The following STARD6 variants were observed in gnomAD, a reference collection of about 807,000 sequenced individuals.
STARD6 encodes the protein stAR-related lipid transfer protein 6.
A neutral mutation model predicts 22.3 loss-of-function variants in STARD6; 21 were observed. That is an observed-to-expected ratio of 0.94 (90% confidence interval 0.67 to 1.35). The LOEUF (loss-of-function observed/expected upper bound fraction) is 1.35, where lower values mean the gene tolerates loss of function less well. Among genes scored for constraint, STARD6 ranks in the 40% most tolerant of loss-of-function variants. The pLI is 0.00. For synonymous variants in STARD6, 80 were observed against 88.1 expected (o/e 0.91, Z 0.52); for missense variants, 269 against 266.9 (o/e 1.01, Z -0.05).
intron 4 of STARD6, among the ~76,000 whole-genome samples, chr18:54,340,457 C>A (rs2088959810): frequency 6.6e-6 from 1 of 152,000 alleles, no homozygotes; most frequent in Admixed American, 6.6e-5. Flanking sequence ...CTTGACAAAA[C>A]CTACTTAATA....
At chr18:54,344,636 T>A (rs1382722427) in intron 4 of STARD6, among the ~76,000 whole-genome samples, 4 of 146,240 alleles carry the variant, frequency 2.7e-5, no homozygotes, top group African/African-American at 1.0e-4. Flanking sequence ...CTCTTATGTA[T>A]ATGCAAAAAC....
chr18:54,329,512 TA>T, intron 6 of STARD6, 72 bp from the exon 7 acceptor site: 1 of 1,182,056 alleles, frequency 8.5e-7, no homozygotes, highest in South Asian at 1.4e-5. Context: ...AGCATATTTT[TA>T]GAAACATATA....
At chr18:54,333,343 G>T (rs1432700264) in intron 5 of STARD6, among the ~76,000 whole-genome samples, 1 of 152,118 alleles carries the variant, frequency 6.6e-6, no homozygotes, top group Non-Finnish European at 1.5e-5. Flanking sequence ...CAGCTACTTG[G>T]GAGGCTGAGG....
chr18:54,340,673 G>T (rs964249416), intron 4 of STARD6, among the ~76,000 whole-genome samples: 2 of 152,140 alleles, frequency 1.3e-5, no homozygotes, highest in Admixed American at 6.5e-5. Flanking sequence ...CAATCAGAAG[G>T]TAGAGATTGT....
intron 4 of STARD6, among the ~76,000 whole-genome samples, chr18:54,350,501 T>A (rs1342504200): frequency 6.6e-6 from 1 of 152,188 alleles, no homozygotes; most frequent in Non-Finnish European, 1.5e-5. Flanking sequence ...GTCCCAACTA[T>A]TTATTTTTGG....
intron 1 of STARD6, among the ~76,000 whole-genome samples, chr18:54,356,738 A>G (rs2089148034): frequency 6.6e-6 from 1 of 152,242 alleles, no homozygotes; most frequent in Non-Finnish European, 1.5e-5. Context: ...GTCACTAACA[A>G]TTAACAAGGA....
Position 54,354,594 on chromosome 18 carries a change from C to T in STARD6, c.-4-17G>A, listed in dbSNP as rs777198718. ...TCCATCTATCTGCAAGTTTTAAAAA[C>T]AAACAACTGGTAAGAATATAACCAT... On this transcript the variant is annotated splice_polypyrimidine_tract_variant and intron_variant, in intron 2 of 7. Coordinates refer to ENST00000307844, the MANE Select transcript of STARD6 (RefSeq NM_139171.2). 5 of 1,569,740 alleles carry T rather than the reference C, an allele frequency of 3.2e-6. No individual in the cohort carries two copies. In the South Asian group the frequency reaches 3.4e-5, roughly 11 times the overall value.
intron 7 of STARD6, among the ~76,000 whole-genome samples, chr18:54,325,551 A>G (rs1461736477): frequency 6.6e-6 from 1 of 151,016 alleles, no homozygotes; most frequent in Non-Finnish European, 1.5e-5. Context: ...GTATCCATTT[A>G]TGCTTTTTTT....
At chr18:54,348,824 C>G (rs2089063820) in intron 4 of STARD6, among the ~76,000 whole-genome samples, 1 of 152,028 alleles carries the variant, frequency 6.6e-6, no homozygotes, top group Admixed American at 6.6e-5. Context: ...ATGCTTAAAG[C>G]TAACCACAAA....
At chr18:54,351,334 A>G (rs956725911) in intron 4 of STARD6, among the ~76,000 whole-genome samples, 2 of 152,146 alleles carry the variant, frequency 1.3e-5, no homozygotes, top group African/African-American at 4.8e-5. Flanking sequence ...TTTATCCTGA[A>G]ACTTTATTCA....
chr18:54,354,341 G>T, intron 3 of STARD6, 143 bp downstream of exon 3: 2 of 727,430 alleles, frequency 2.7e-6, no homozygotes, highest in Non-Finnish European at 4.5e-6. Flanking sequence ...CAGTCCTCCT[G>T]TGTTAGCCTC....
At chr18:54,328,501 GTTA>G (rs978323011) in intron 7 of STARD6, among the ~76,000 whole-genome samples, 1 of 152,134 alleles carries the variant, frequency 6.6e-6, no homozygotes, top group Non-Finnish European at 1.5e-5. Context: ...ACCATACATT[GTTA>G]TTATTATTAT....
At chr18:54,331,973 C>T in intron 5 of STARD6, 114 bp from the exon 6 acceptor site, 2 of 651,494 alleles carry the variant, frequency 3.1e-6, no homozygotes, top group Non-Finnish European at 5.0e-6. Flanking sequence ...AAAAGCAGGG[C>T]TTTGAAATTT....
intron 4 of STARD6, among the ~76,000 whole-genome samples, chr18:54,345,535 GCTGA>G (rs1468164055): frequency 6.6e-6 from 1 of 152,078 alleles, no homozygotes; most frequent in Non-Finnish European, 1.5e-5. Flanking sequence ...CAAAATCCCA[GCTGA>G]CTTTTTTTTG....
intron 4 of STARD6, among the ~76,000 whole-genome samples, 183 bp from the exon 5 acceptor site, chr18:54,337,434 G>A (rs1195746120): frequency 6.6e-6 from 1 of 152,132 alleles, no homozygotes; most frequent in Non-Finnish European, 1.5e-5. Context: ...ATTTAAATAT[G>A]CACTGCAATA....
intron 4 of STARD6, among the ~76,000 whole-genome samples, chr18:54,349,555 T>C (rs1335689284): frequency 6.6e-6 from 1 of 152,154 alleles, no homozygotes; most frequent in African/African-American, 2.4e-5. Flanking sequence ...TTTGGCTACA[T>C]GGATAAATTC....
intron 4 of STARD6, among the ~76,000 whole-genome samples, chr18:54,349,660 A>C (rs1337330564): frequency 6.6e-6 from 1 of 151,874 alleles, no homozygotes; most frequent in Non-Finnish European, 1.5e-5. Context: ...TCCTCCTCCC[A>C]CCCTTTCCCT....
chr18:54,346,099 C>G (rs1340155087), intron 4 of STARD6, among the ~76,000 whole-genome samples: 1 of 152,042 alleles, frequency 6.6e-6, no homozygotes, highest in African/African-American at 2.4e-5. Context: ...AATTGTGCTT[C>G]AAAGGATACC....
chr18:54,356,509 A>C (rs1295255892), intron 1 of STARD6, 65 bp from the exon 2 acceptor site: 1 of 152,128 alleles, frequency 6.6e-6, no homozygotes, highest in Non-Finnish European at 1.5e-5. Context: ...ATATTTGATA[A>C]TTTTCTTTAT....
Sources: gnomAD v4.1 joint callset for allele counts (sites outside exome capture counted in the v4.1 genomes callset) on GRCh38, gnomAD v4.1.1 for gene constraint, MANE v1.5 for transcripts, NCBI Gene and HGNC (gene_info 2026-07-23, HGNC 2026-07-21) for gene names.